Variants in SLC2A9 observed in about 807,000 individuals in gnomAD.
SLC2A9 encodes the protein solute carrier family 2 member 9.
In SLC2A9, 39 loss-of-function variants were observed where a neutral mutation model predicts 50.6. The ratio of observed to expected loss-of-function variants is 0.77; its 90% CI spans 0.60 to 1.01. The LOEUF is 1.01. SLC2A9 is among the 50% of genes least tolerant of loss of function. SLC2A9 has a pLI of 0.00. For synonymous variants in SLC2A9, 324 were observed against 276.9 expected (o/e 1.17, Z -1.69); for missense variants, 686 against 677.6 (o/e 1.01, Z -0.14).
chr4:10,021,676 A>ATT (rs35419761), upstream of SLC2A9, among the ~76,000 whole-genome samples: 59 of 146,256 alleles, frequency 4.0e-4, no homozygotes, highest in South Asian at 2.2e-3. Flanking sequence ...AGGGGGTGGA[A>ATT]TTTTTTTTTT....
chr4:9,936,399 A>T (rs1164467200), intron 6 of SLC2A9, among the ~76,000 whole-genome samples: 1 of 152,200 alleles, frequency 6.6e-6, no homozygotes, highest in Non-Finnish European at 1.5e-5. Flanking sequence ...GCTGGACCCC[A>T]GCTCTGCTAA....
chr4:9,999,016 A>G (rs2109312232), intron 2 of SLC2A9, among the ~76,000 whole-genome samples: 1 of 152,042 alleles, frequency 6.6e-6, no homozygotes, highest in South Asian at 2.1e-4. Flanking sequence ...ATGTCAGGTC[A>G]GGGGTCATCT....
chr4:9,890,491 C>A (rs780289392), intron 9 of SLC2A9, 119 bp downstream of exon 9: 16 of 964,096 alleles, frequency 1.7e-5, no homozygotes, highest in Non-Finnish European at 2.6e-5. Flanking sequence ...CCGGGGAGAG[C>A]TTTATCACAA....
At chr4:10,029,101 A>T (rs1050869640) in intron 1 of SLC2A9, 5 of 152,294 alleles carry the variant, frequency 3.3e-5, no homozygotes, top group African/African-American at 9.6e-5. Context: ...ACATCTGCCC[A>T]GTCTCCTCTA....
intron 3 of SLC2A9, among the ~76,000 whole-genome samples, chr4:9,807,498 T>C (rs1577344291): frequency 6.6e-6 from 1 of 152,222 alleles, no homozygotes; most frequent in East Asian, 1.9e-4. Context: ...CCTGTCTGTT[T>C]ATCAGTTCTC....
intron 10 of SLC2A9, among the ~76,000 whole-genome samples, chr4:9,839,227 G>T (rs1727603650): frequency 6.6e-6 from 1 of 152,106 alleles, no homozygotes; most frequent in Non-Finnish European, 1.5e-5. Context: ...AAAATCATAT[G>T]AAGAAAAGCT....
chr4:9,830,969 G>A (rs1726034682), intron 11 of SLC2A9, among the ~76,000 whole-genome samples: 1 of 152,188 alleles, frequency 6.6e-6, no homozygotes, highest in Admixed American at 6.5e-5. Flanking sequence ...GGCTTGGAGA[G>A]GAAACCCATG....
In SLC2A9 at chr4:9,844,159, ATAATAAT is replaced by A. The variant is rs376097743; in HGVS notation, c.1292-9158_1292-9152del. Among the ~76,000 whole-genome samples the A allele has an allele frequency of 7.8e-3, 285 of 36,376 alleles. 102 individuals carry two copies. Among genetic ancestry groups the A allele is most frequent in the Middle Eastern group, 0.034 (2 of 58 alleles). 23.9% of individuals were successfully genotyped at this position (36,376 alleles called of 152,430 possible). A position where few individuals can be genotyped will look rare whatever the true frequency, so the allele number is the denominator to read the frequency against. ...AAGAGCCAGATTTAGTAAAAAAAAA[ATAATAAT>A]AAAAAAAAAAAAAAGTCCTTCTGAC... On this transcript the variant is annotated intron_variant, in intron 10 of 11. Transcript: ENST00000264784.
chr4:9,808,261 T>C lies in SLC2A9; in HGVS notation n.421-9020A>G, dbSNP rs1722388954. 2.0e-5 allele frequency among the ~76,000 whole-genome samples: 3 copies of C among 152,212 alleles called. No individual in the cohort carries two copies. The South Asian group carries it at 6.2e-4, about 32-fold the overall frequency. On this transcript the variant is annotated intron_variant and non_coding_transcript_variant, in intron 3 of 3. Coordinates refer to the SLC2A9 transcript ENST00000503280. ...CTTGTTTCCATTTTGATGAGGTTCT[T>C]CTCCCCTGGGGCCAGCCCCAGTTCA...
intron 5 of SLC2A9, among the ~76,000 whole-genome samples, chr4:9,946,106 A>G (rs936961853): frequency 2.0e-5 from 3 of 152,252 alleles, no homozygotes; most frequent in African/African-American, 7.2e-5. Context: ...GTAAAGCCCT[A>G]GAGCGTCCAT....
chr4:9,818,513 G>T (rs1057154571), intron 3 of SLC2A9, among the ~76,000 whole-genome samples: 3 of 152,208 alleles, frequency 2.0e-5, no homozygotes, highest in African/African-American at 7.2e-5. Context: ...TTATAGTAAG[G>T]AGCAGGGTGA....
chr4:9,841,520 T>C (rs1253922581), intron 10 of SLC2A9, among the ~76,000 whole-genome samples: 2 of 152,224 alleles, frequency 1.3e-5, no homozygotes, highest in Non-Finnish European at 2.9e-5. Flanking sequence ...GACCGATCTT[T>C]GACACCTTTT....
At chr4:9,773,755 G>A (rs1443390770) in intron 1 of SLC2A9, among the ~76,000 whole-genome samples, 1 of 152,120 alleles carries the variant, frequency 6.6e-6, no homozygotes, top group African/African-American at 2.4e-5. Flanking sequence ...GAGAGATCTT[G>A]GTTTCCAGTA....
At chr4:9,803,769 C>T (rs1721767745) in intron 3 of SLC2A9, among the ~76,000 whole-genome samples, 1 of 152,144 alleles carries the variant, frequency 6.6e-6, no homozygotes, top group Non-Finnish European at 1.5e-5. Context: ...TTATGGTGTC[C>T]TCAGTGCCTA....
intron 1 of SLC2A9, among the ~76,000 whole-genome samples, chr4:9,773,733 G>A (rs559213338): frequency 2.4e-4 from 36 of 152,314 alleles, no homozygotes; most frequent in Admixed American, 4.6e-4. Flanking sequence ...GCTCTGACAA[G>A]TCAACGTCAG....
intron 3 of SLC2A9, chr4:9,781,920 G>A (rs1361763088): frequency 9.2e-6 from 9 of 980,900 alleles, no homozygotes; most frequent in African/African-American, 8.5e-5. Flanking sequence ...TGGGGCTCGA[G>A]GGTCCCTTGG....
chr4:9,955,646 C>A (rs1242296304), intron 5 of SLC2A9, among the ~76,000 whole-genome samples: 1 of 152,130 alleles, frequency 6.6e-6, no homozygotes, highest in Non-Finnish European at 1.5e-5. Context: ...CCTGCTCTAA[C>A]TCTTGCCTCA....
rs1027202466 is a variant in SLC2A9, at chr4:9,786,766, G to T, written n.386-6701C>A. On this transcript the variant is annotated intron_variant and non_coding_transcript_variant, in intron 3 of 3. Transcript: ENST00000503803. ...GAACCAGGGTTCACCCTAGGTCAGT[G>T]GTTCTTAAATGAGGGAACTTTGCAC... is the stretch of plus-strand genomic sequence containing the variant. 3.0e-4 allele frequency among the ~76,000 whole-genome samples: 45 copies of T among 152,178 alleles called. 1 individual carries two copies. The highest frequency in any genetic ancestry group is 6.2e-4 in the Non-Finnish European group (42 of 68,040).
At chr4:9,931,946 CTCTCTCTCTCTCTCTCTA>C (rs1393355261) in intron 6 of SLC2A9, among the ~76,000 whole-genome samples, 5 of 58,340 alleles carry the variant, frequency 8.6e-5, no homozygotes, top group South Asian at 1.4e-3. Context: ...CTCTCTCTCT[CTCTCTCTCTCTCTCTCTA>C]TATATATATA....
Sources: allele counts gnomAD v4.1 joint callset (sites outside exome capture counted in the v4.1 genomes callset), GRCh38; gene constraint gnomAD v4.1.1; transcripts MANE v1.5; gene names NCBI Gene and HGNC (gene_info 2026-07-23, HGNC 2026-07-21).